The following EBF4 variants were observed in gnomAD, a reference collection of about 807,000 sequenced individuals.
EBF4 encodes the protein transcription factor COE4.
In EBF4, 34 loss-of-function variants were observed where a neutral mutation model predicts 67.1. The ratio of observed to expected loss-of-function variants is 0.51; its 90% CI spans 0.39 to 0.67. The LOEUF is 0.67. Among genes scored for constraint, EBF4 ranks in the 30% least tolerant of loss-of-function variants. EBF4 has a pLI of 0.00. For missense variants in EBF4, 837 were observed against 873.3 expected, an observed-to-expected ratio of 0.96 and a Z score of 0.52; for synonymous variants, 387 against 377.7, an observed-to-expected ratio of 1.02 and a Z score of -0.29.
intron 6 of EBF4, among the ~76,000 whole-genome samples, chr20:2,723,105 C>T (rs924968226): frequency 3.9e-5 from 6 of 152,104 alleles, no homozygotes; most frequent in African/African-American, 9.7e-5. Flanking sequence ...TATTACTATT[C>T]GATAAATTGT....
chr20:2,701,958 C>A (rs1317185501), intron 1 of EBF4, among the ~76,000 whole-genome samples: 1 of 152,170 alleles, frequency 6.6e-6, no homozygotes, highest in Non-Finnish European at 1.5e-5. Context: ...CCGCTGTGAT[C>A]GAAAGCCCTC....
At chr20:2,759,289 G>A (rs970651724) in exon 17 of EBF4, 4 of 428,624 alleles carry the variant, frequency 9.3e-6, no homozygotes, top group Admixed American at 7.0e-5. Flanking sequence ...TTCCCATGGA[G>A]CCCGGACTGG....
Position 2,745,749 on chromosome 20 carries a change from T to C in EBF4, c.558-2800T>C, listed in dbSNP as rs1417481272. ...TGTCACGGCAGCCGTCAATCGCTAC[T>C]CTCCCTTCATGGGTGTGGAAGGATT... is the stretch of plus-strand genomic sequence containing the variant. On this transcript the variant is annotated intron_variant, in intron 6 of 16. Transcript: ENST00000609451. This position sits in a 1 kb window ranked among gnomAD's most constrained non-coding sequence, Gnocchi z 5.2. Among the ~76,000 whole-genome samples the C allele has an allele frequency of 1.3e-5, 2 of 152,062 alleles. No homozygotes were observed. The highest frequency in any genetic ancestry group is 2.4e-5 in the African/African-American group (1 of 41,376).
At chr20:2,693,427 C>T (rs1169655794), upstream of EBF4, 3 of 439,094 alleles carry the variant, frequency 6.8e-6, no homozygotes, top group Admixed American at 4.5e-5. This position sits in a 1 kb window ranked among gnomAD's most constrained non-coding sequence, Gnocchi z 4.6. Context: ...CCTCCATCTC[C>T]CCGCCCAGCG....
At chr20:2,719,613 C>A (rs2146419542) in intron 6 of EBF4, among the ~76,000 whole-genome samples, 1 of 152,272 alleles carries the variant, frequency 6.6e-6, no homozygotes, top group Non-Finnish European at 1.5e-5. Flanking sequence ...CCATGTTTTC[C>A]ATGCTGGTCT....
chr20:2,737,787 A>G (rs1293090249), intron 6 of EBF4, among the ~76,000 whole-genome samples: 1 of 149,006 alleles, frequency 6.7e-6, no homozygotes, highest in African/African-American at 2.5e-5. Flanking sequence ...CCTGGCCAAC[A>G]TGGTGAAACC....
At chr20:2,737,112 T>A (rs528347633) in intron 6 of EBF4, among the ~76,000 whole-genome samples, 80 of 150,152 alleles carry the variant, frequency 5.3e-4, no homozygotes, top group Non-Finnish European at 8.6e-4. Context: ...TAGCCGGGCG[T>A]GGTGGCGGGC....
chr20:2,747,316 AC>A lies in EBF4; in HGVS notation c.558-1232del, dbSNP rs368464178. 3.6e-5 allele frequency among the ~76,000 whole-genome samples: 5 copies of A among 140,436 alleles called. No individual in the cohort carries two copies. The highest frequency in any genetic ancestry group is 7.6e-5 in the Non-Finnish European group (5 of 65,548). 92.1% of individuals were successfully genotyped at this position (140,436 alleles called of 152,430 possible). ...TGTCTCAAAACAAAAAACAAAACAA[AC>A]AAAAAAAAAAAAACAGGAAAAAAAA... is the stretch of plus-strand genomic sequence containing the variant. On this transcript the variant is annotated intron_variant, in intron 6 of 16. Transcript: ENST00000609451. The surrounding 1 kb of genome is among the most constrained non-coding windows in gnomAD (Gnocchi z 4.6).
intron 15 of EBF4, among the ~76,000 whole-genome samples, chr20:2,757,123 C>T (rs2088257383): frequency 6.6e-6 from 1 of 152,116 alleles, no homozygotes; most frequent in African/African-American, 2.4e-5. Context: ...GGGGCAGCCT[C>T]CAGGCTGAGA....
intron 6 of EBF4, among the ~76,000 whole-genome samples, chr20:2,732,823 AT>A (rs3053392): frequency 0.052 from 7,225 of 137,930 alleles, 256 homozygotes; most frequent in Non-Finnish European, 0.075. Context: ...TCTTTTTCTT[AT>A]TTTTTTTTGA....
intron 6 of EBF4, among the ~76,000 whole-genome samples, chr20:2,722,134 G>A (rs1320053128): frequency 4.6e-5 from 7 of 151,956 alleles, no homozygotes; most frequent in Non-Finnish European, 1.0e-4. Context: ...TCCTGGGCTC[G>A]AGCAGTCCTC....
upstream of EBF4, chr20:2,692,888 C>T (rs999397343): frequency 2.9e-3 from 415 of 144,786 alleles, 2 homozygotes; most frequent in Admixed American, 5.1e-3. This position sits in a 1 kb window ranked among gnomAD's most constrained non-coding sequence, Gnocchi z 6.4. Flanking sequence ...GCGGCCGCGG[C>T]GGGGCGGCGC....
At chr20:2,717,795 G>A (rs1379048731) in intron 6 of EBF4, among the ~76,000 whole-genome samples, 4 of 150,848 alleles carry the variant, frequency 2.7e-5, no homozygotes, top group East Asian at 1.9e-4. Context: ...TTGAATATAC[G>A]CAGTGGTAGT....
intron 6 of EBF4, among the ~76,000 whole-genome samples, chr20:2,741,506 T>C (rs765780860): frequency 2.0e-5 from 3 of 152,246 alleles, no homozygotes; most frequent in Non-Finnish European, 4.4e-5. Context: ...GTTTGCACTT[T>C]AGCCATACTC....
intron 6 of EBF4, among the ~76,000 whole-genome samples, chr20:2,729,790 A>C (rs553413570): frequency 6.6e-6 from 1 of 152,332 alleles, no homozygotes; most frequent in East Asian, 1.9e-4. Context: ...GGTTGTTACT[A>C]TCTATAGAGA....
intron 6 of EBF4, among the ~76,000 whole-genome samples, chr20:2,716,336 G>A (rs1283918534): frequency 6.6e-6 from 1 of 151,654 alleles, no homozygotes; most frequent in East Asian, 2.0e-4. Context: ...AGACTAGGCT[G>A]ACCAACACGG....
At position 2,751,898 on chromosome 20, in the gene EBF4, C is replaced by T. The variant is rs774756085; in HGVS notation, c.1108-24C>T. ...GCCCCCAGGGGCTGCCCCTCCGTCC[C>T]GCTGTCTCTCCCCCTGTCCCCAGGA... On this transcript the variant is annotated intron_variant, in intron 11 of 16. Transcript: ENST00000609451. This position sits in a 1 kb window ranked among gnomAD's most constrained non-coding sequence, Gnocchi z 5.2. 3.9e-5 allele frequency: 60 copies of T among 1,549,316 alleles called. No homozygotes were observed. In the East Asian group the frequency reaches 6.6e-4, roughly 17 times the overall value.
rs544818750 is a variant in EBF4 at position 2,699,456 on chromosome 20, G to T, written c.137+5674G>T. ...CTATTTAAGAATGAAAGATGGAAAG[G>T]AGGTGAGTGGGGCACAATGAAAATA... On this transcript the variant is annotated intron_variant, in intron 1 of 16. Coordinates refer to ENST00000609451, the Ensembl canonical transcript of EBF4. Among the ~76,000 whole-genome samples, 4 of 152,344 alleles carry T rather than the reference G, an allele frequency of 2.6e-5. No homozygotes were observed. The South Asian group carries it at 8.3e-4, about 32-fold the overall frequency.
chr20:2,704,036 T>C (rs1470215619), intron 1 of EBF4, among the ~76,000 whole-genome samples: 1 of 152,166 alleles, frequency 6.6e-6, no homozygotes, highest in Admixed American at 6.5e-5. Flanking sequence ...GGCTTCCCCC[T>C]GAATCACTAA....
Sources: gnomAD v4.1 joint callset for allele counts (sites outside exome capture counted in the v4.1 genomes callset) on GRCh38, gnomAD v4.1.1 for gene constraint, Gnocchi (gnomAD v3.1) non-coding constraint, MANE v1.5 for transcripts, NCBI Gene and HGNC (gene_info 2026-07-23, HGNC 2026-07-21) for gene names.